The following ZNF619 variants were observed in gnomAD, a reference collection of about 807,000 sequenced individuals.
The protein encoded by ZNF619 is zinc finger protein 619.
In ZNF619, 9 loss-of-function variants were observed where a neutral mutation model predicts 14.2. The ratio of observed to expected loss-of-function variants is 0.64; its 90% CI spans 0.38 to 1.11. ZNF619 has a LOEUF of 1.11. Ranked by LOEUF, ZNF619 falls within the 50% of genes least tolerant of loss-of-function variation. The pLI, the probability that ZNF619 is intolerant of heterozygous loss-of-function variation, is 0.01. For synonymous variants in ZNF619, 246 were observed against 252.8 expected, an observed-to-expected ratio of 0.97 and a Z score of 0.26; for missense variants, 659 against 680.1, an observed-to-expected ratio of 0.97 and a Z score of 0.34.
chr3:40,487,625 A>G lies in ZNF619; in HGVS notation c.1115A>G (p.Tyr372Cys). 6.2e-7 allele frequency: 1 copy of G among 1,614,192 alleles called. No homozygotes were observed. Among genetic ancestry groups the G allele is most frequent in the Non-Finnish European group, 8.5e-7 (1 of 1,180,016 alleles). The stretch of plus-strand genomic sequence containing the variant: ...AGAATCCACACTGGGGAGAAACCTT[A>G]TGAATGTAAAGAGTGTGGCAAGGCC... ...HQRIHTGEKP[Y>C]ECKECGKAFH... Residue 372 changes from tyrosine (Y) to cysteine (C), a missense_variant, in exon 5 of 5, where the codon TAT (tyrosine) becomes TGT (cysteine). Physicochemically the swap from Tyr to Cys is radical, Grantham distance 194 (BLOSUM62 -2). Transcript: ENST00000432264.
chr3:40,479,720 A>C (rs1697322784), intron 2 of ZNF619, among the ~76,000 whole-genome samples: 1 of 152,126 alleles, frequency 6.6e-6, no homozygotes, highest in African/African-American at 2.4e-5. Flanking sequence ...GGGCCAGATA[A>C]TTCTTTGTTT....
Position 40,477,147 on chromosome 3 carries a change from A to G in ZNF619, c.-273A>G, listed in dbSNP as rs1389733155. ...GTAGGGACCGACGGCCGGCCAGCTAATGCTTCCGTCTTGGCCACCTTGCGA... is the reference window on the plus strand; with the variant it reads ...GTAGGGACCGACGGCCGGCCAGCTAGTGCTTCCGTCTTGGCCACCTTGCGA... On this transcript the variant is annotated 5_prime_UTR_variant, in exon 1 of 5. An upstream start codon of the reference 5' UTR is lost. Transcript: ENST00000432264. 1 of 152,288 alleles carries G rather than the reference A, an allele frequency of 6.6e-6. No individual in the cohort carries two copies. The highest frequency in any genetic ancestry group is 1.5e-5 in the Non-Finnish European group (1 of 68,110). 9.4% of individuals were successfully genotyped at this position (152,288 alleles called of 1,614,324 possible). A position where few individuals can be genotyped will look rare whatever the true frequency, so the allele number is the denominator to read the frequency against.
chr3:40,482,514 C>A, intron 3 of ZNF619, 74 bp from the exon 4 acceptor site: 1 of 1,563,792 alleles, frequency 6.4e-7, no homozygotes, highest in Non-Finnish European at 8.8e-7. Flanking sequence ...TTTCATCTGG[C>A]AAAGCAGAGT....
Position 40,487,545 on chromosome 3 carries a change from A to C in ZNF619, c.1035A>C (p.Glu345Asp), listed in dbSNP as rs562250771. The C allele has an allele frequency of 6.2e-7, 1 of 1,614,178 alleles. No individual in the cohort carries two copies. The highest frequency in any genetic ancestry group is 1.1e-5 in the South Asian group (1 of 91,080). The change falls in exon 5 of 5, where the codon GAA becomes GAC. Residue 345 changes from glutamate (E) to aspartate (D), a missense_variant. Physicochemically the swap from Glu to Asp is conservative, Grantham distance 45. Coordinates refer to ENST00000432264, the MANE Select transcript of ZNF619 (RefSeq NM_001145093.4). ...TTCACAATGGGGAGAAGCCCTATGA[A>C]TGTAAGGAGTGTGGGAAGAGTTTGA... is the stretch of plus-strand genomic sequence containing the variant. ...ERIHNGEKPY[E>D]CKECGKSLSS...
At chr3:40,486,352 T>C (rs1697577226) in intron 4 of ZNF619, among the ~76,000 whole-genome samples, 1 of 152,236 alleles carries the variant, frequency 6.6e-6, no homozygotes, top group African/African-American at 2.4e-5. Flanking sequence ...TTTGTTTACT[T>C]TCCCCTTGAG....
Position 40,487,170 on chromosome 3 carries a change from C to T in ZNF619, c.660C>T (p.His220=), listed in dbSNP as rs764947871. The change falls in exon 5 of 5, where the codon CAC becomes CAT. Residue 220 remains histidine (H), a synonymous_variant. Transcript: ENST00000432264. The stretch of plus-strand genomic sequence containing the variant: ...ACTACAACCCACATTCAGACTTTCA[C>T]CTGCATCAGAGAGTTCACACTAATG... ...GSYYNPHSDF[H]LHQRVHTNEK... is the part of the protein sequence containing the mutation. 8.1e-6 allele frequency: 13 copies of T among 1,614,062 alleles called. No individual in the cohort carries two copies. The highest frequency in any genetic ancestry group is 3.3e-5 in the Admixed American group (2 of 59,998).
chr3:40,486,389 C>A (rs1408319470), intron 4 of ZNF619, among the ~76,000 whole-genome samples: 1 of 152,148 alleles, frequency 6.6e-6, no homozygotes, highest in African/African-American at 2.4e-5. Flanking sequence ...GTGTCTCTCT[C>A]AAAAAATTCA....
intron 3 of ZNF619, 67 bp from the exon 4 acceptor site, chr3:40,482,519 CAG>C (rs1216138966): frequency 4.5e-6 from 7 of 1,565,396 alleles, no homozygotes; most frequent in African/African-American, 2.7e-5. Flanking sequence ...TCTGGCAAAG[CAG>C]AGTGTAGTCT....
In ZNF619 at chr3:40,490,651, A is replaced by G. The variant is rs1697777205; in HGVS notation, c.*2410A>G. On this transcript the variant is annotated 3_prime_UTR_variant, in exon 5 of 5. Coordinates refer to ENST00000432264, the MANE Select transcript of ZNF619 (RefSeq NM_001145093.4). ...AGGATACAGACCTTTATGATGATCC[A>G]TATAATATAGTGAATTATATTTACT... 6.6e-6 allele frequency among the ~76,000 whole-genome samples: 1 copy of G among 152,092 alleles called. No individual in the cohort carries two copies.
In ZNF619 at chr3:40,487,784, A is replaced by G. The variant is rs778270274; in HGVS notation, c.1274A>G (p.Glu425Gly). The stretch of plus-strand genomic sequence containing the variant: ...GTGCATCAGAGAATCCACAATGGGG[A>G]GAAACCCTATGAATGCCAGGAATGT... Reference protein sequence around the residue: ...FIVHQRIHNGEKPYECQECGK... With the variant: ...FIVHQRIHNGGKPYECQECGK... The change falls in exon 5 of 5, where the codon GAG becomes GGG. Residue 425 changes from glutamate to glycine, a missense_variant. Transcript: ENST00000432264. 1 of 1,614,198 alleles carries G rather than the reference A, an allele frequency of 6.2e-7. No homozygotes were observed. The highest frequency in any genetic ancestry group is 1.6e-4 in the Middle Eastern group (1 of 6,062).
In ZNF619 at chr3:40,487,395, A is replaced by C. The variant is rs1028714400; in HGVS notation, c.885A>C (p.Lys295Asn). The C allele has an allele frequency of 1.9e-6, 3 of 1,614,106 alleles. No homozygotes were observed. The African/African-American group carries it at 4.0e-5, about 22-fold the overall frequency. ...CCTATGAATGTACTGACTGTGGTAA[A>C]ACCTTCAGTTATAATTCAAAACTGA... ...QRPYECTDCG[K>N]TFSYNSKLIR... The change falls in exon 5 of 5, where the codon AAA (lysine) becomes AAC (asparagine). Residue 295 changes from lysine to asparagine, a missense_variant. Lys to Asn is a moderately conservative substitution (Grantham distance 94). Coordinates refer to ENST00000432264, the MANE Select transcript of ZNF619 (RefSeq NM_001145093.4).
In ZNF619 at chr3:40,487,202, C is replaced by G. The variant is rs139506802; in HGVS notation, c.692C>G (p.Pro231Arg). 8.7e-4 allele frequency: 1,398 copies of G among 1,614,146 alleles called. 8 individuals are homozygous for G. Among genetic ancestry groups the G allele is most frequent in the East Asian group, 2.7e-4 (12 of 44,884 alleles). Residue 231 changes from proline to arginine, a missense_variant, in exon 5 of 5, where the codon CCC (proline) becomes CGC (arginine). Pro to Arg is a moderately radical substitution (Grantham distance 103). Coordinates refer to ENST00000432264, the MANE Select transcript of ZNF619 (RefSeq NM_001145093.4). Reference protein sequence around the residue: ...LHQRVHTNEKPYTCKECGKTF... With the variant: ...LHQRVHTNEKRYTCKECGKTF... ...CAGAGAGTTCACACTAATGAGAAGC[C>G]CTACACATGCAAAGAATGTGGGAAA... is the stretch of plus-strand genomic sequence containing the variant.
intron 4 of ZNF619, among the ~76,000 whole-genome samples, chr3:40,486,041 A>G (rs1175215182): frequency 6.6e-6 from 1 of 152,176 alleles, no homozygotes; most frequent in African/African-American, 2.4e-5. Context: ...ATTACAGAAT[A>G]TTTTAAAGTA....
Position 40,482,024 on chromosome 3 carries a change from C to G in ZNF619, c.178+8C>G. On this transcript the variant is annotated splice_region_variant and intron_variant, in intron 3 of 4. Transcript: ENST00000432264. ...CAAATGTGACTTCCTTGTGTAAGTC[C>G]TCCTTCCTCTCTGAAACTCAGCTTC... 6.3e-7 allele frequency: 1 copy of G among 1,584,376 alleles called. No homozygotes were observed. The highest frequency in any genetic ancestry group is 8.6e-7 in the Non-Finnish European group (1 of 1,168,654).
intron 1 of ZNF619, 75 bp from the exon 2 acceptor site, chr3:40,477,843 T>C: frequency 1.3e-6 from 1 of 741,946 alleles, no homozygotes; most frequent in Non-Finnish European, 2.3e-6. Context: ...GCAATGCTAG[T>C]GGCAGGAGAC....
rs373318309 is a variant in ZNF619 at position 40,486,801 on chromosome 3, G to T, written c.296-5G>T. ...GACTTTTATGTTTTCTTTTTATCAT[G>T]CTAGGTGGTAAAACCAAGACTGAGA... On this transcript the variant is annotated splice_region_variant and splice_polypyrimidine_tract_variant and intron_variant, in intron 4 of 4. Coordinates refer to ENST00000432264, the MANE Select transcript of ZNF619 (RefSeq NM_001145093.4). The T allele has an allele frequency of 6.3e-7, 1 of 1,579,636 alleles. No individual in the cohort carries two copies. Among genetic ancestry groups the T allele is most frequent in the Non-Finnish European group, 8.6e-7 (1 of 1,165,942 alleles).
Position 40,481,974 on chromosome 3 carries a change from A to C in ZNF619, c.136A>C (p.Arg46=). The C allele has an allele frequency of 1.2e-6, 2 of 1,609,032 alleles. No homozygotes were observed. Among genetic ancestry groups the C allele is most frequent in the Admixed American group, 1.7e-5 (1 of 58,242 alleles). Residue 46 remains arginine, a synonymous_variant, in exon 3 of 5, where the codon AGG becomes CGG. Coordinates refer to ENST00000432264, the MANE Select transcript of ZNF619 (RefSeq NM_001145093.4). The stretch of plus-strand genomic sequence containing the variant: ...GCACCCTACGCAGAGGGCCCTATAC[A>C]GGGAGGTGATGCTGGAGAATTATGC... ...SLHPTQRALY[R]EVMLENYANV...
chr3:40,488,823 G>C lies in ZNF619; in HGVS notation c.*582G>C, dbSNP rs973006705. On this transcript the variant is annotated 3_prime_UTR_variant, in exon 5 of 5. Coordinates refer to ENST00000432264, the MANE Select transcript of ZNF619 (RefSeq NM_001145093.4). Reference sequence around the variant, plus strand: ...CCACAGGCATGCACCACCACGCCCCGCTAATTTTGTATTTTTAGTAGAGAC... The same window carrying C: ...CCACAGGCATGCACCACCACGCCCCCCTAATTTTGTATTTTTAGTAGAGAC... 6.6e-6 allele frequency: 1 copy of C among 152,142 alleles called. No individual in the cohort carries two copies. Among genetic ancestry groups the C allele is most frequent in the African/African-American group, 2.4e-5 (1 of 41,376 alleles). 9.4% of individuals were successfully genotyped at this position (152,142 alleles called of 1,614,324 possible). A position where few individuals can be genotyped will look rare whatever the true frequency, so the allele number is the denominator to read the frequency against.
Position 40,487,012 on chromosome 3 carries a change from C to T in ZNF619, c.502C>T (p.His168Tyr). Reference protein sequence around the residue: ...GDCTDLTVQDHESSTTEREEI... With the variant: ...GDCTDLTVQDYESSTTEREEI... ...TTGCACAGATTTGACAGTCCAGGAT[C>T]ATGAATCTTCCACCACTGAAAGGGA... The change falls in exon 5 of 5, where the codon CAT (histidine) becomes TAT (tyrosine). Residue 168 changes from histidine (H) to tyrosine (Y), a missense_variant. Physicochemically the swap from His to Tyr is moderately conservative, Grantham distance 83. Coordinates refer to ENST00000432264, the MANE Select transcript of ZNF619 (RefSeq NM_001145093.4). The T allele has an allele frequency of 1.2e-6, 2 of 1,614,108 alleles. No homozygotes were observed.
Sources: allele counts gnomAD v4.1 joint callset (sites outside exome capture counted in the v4.1 genomes callset), GRCh38; gene constraint gnomAD v4.1.1; transcripts MANE v1.5; gene names NCBI Gene and HGNC (gene_info 2026-07-23, HGNC 2026-07-21).